CHD2: variants seen among roughly 807,000 people sequenced by gnomAD.
CHD2 encodes chromodomain helicase DNA binding protein 2.
Under a neutral mutation model 243.9 loss-of-function variants are expected in CHD2, and 28 were observed. The ratio of observed to expected loss-of-function variants is 0.11; its 90% CI spans 0.09 to 0.16. The LOEUF is 0.16. Ranked by LOEUF, CHD2 falls within the 10% of genes least tolerant of loss-of-function variation. The pLI is 1.00. For synonymous variants in CHD2, 775 were observed against 779.0 expected (o/e 0.99, Z 0.09); for missense variants, 1,386 against 2,209.8 (o/e 0.63, Z 7.47).
intron 5 of CHD2, among the ~76,000 whole-genome samples, chr15:92,933,736 G>A (rs962356021): frequency 8.5e-5 from 13 of 152,264 alleles, no homozygotes; most frequent in East Asian, 1.9e-4. Flanking sequence ...CTCCTGAGTA[G>A]TTGGGACTGC....
chr15:93,015,400 TC>T (rs1283852291), intron 37 of CHD2, among the ~76,000 whole-genome samples: 9 of 152,078 alleles, frequency 5.9e-5, no homozygotes, highest in Admixed American at 5.9e-4. Flanking sequence ...TATTTCAACT[TC>T]CGATTAAGAA....
intron 5 of CHD2, 29 bp downstream of exon 5, chr15:92,929,120 A>G: frequency 6.3e-7 from 1 of 1,581,054 alleles, no homozygotes; most frequent in South Asian, 1.1e-5. Context: ...AAATTATTCA[A>G]TCTAGTAGTT....
chr15:92,943,771 C>A (rs1450219256), intron 9 of CHD2: 2 of 152,508 alleles, frequency 1.3e-5, no homozygotes, highest in Non-Finnish European at 2.9e-5. Flanking sequence ...ATTTTTGTGT[C>A]TGGAATGTGC....
At chr15:92,974,041 G>C (rs1596422168) in intron 19 of CHD2, 1 of 152,174 alleles carries the variant, frequency 6.6e-6, no homozygotes, top group Non-Finnish European at 1.5e-5. Flanking sequence ...TCACCTTTCA[G>C]GTTAGTTTTG....
intron 20 of CHD2, 82 bp from the exon 21 acceptor site, chr15:92,978,152 T>G (rs781387444): frequency 2.6e-6 from 4 of 1,520,034 alleles, no homozygotes; most frequent in Non-Finnish European, 1.8e-6. Context: ...CTGCAGGGGT[T>G]TCCAGGTGTA....
intron 35 of CHD2, among the ~76,000 whole-genome samples, chr15:93,011,699 C>G (rs553845191): frequency 6.6e-6 from 1 of 152,266 alleles, no homozygotes; most frequent in East Asian, 1.9e-4. Flanking sequence ...AAACACCTGT[C>G]TCATCATATC....
At chr15:93,002,436 A>G in intron 33 of CHD2, 119 bp downstream of exon 33, 1 of 1,467,924 alleles carries the variant, frequency 6.8e-7, no homozygotes, top group Admixed American at 2.6e-5. Flanking sequence ...GGTATGTTCA[A>G]GAAGGATGGG....
intron 36 of CHD2, among the ~76,000 whole-genome samples, chr15:93,013,850 G>T (rs943334519): frequency 7.0e-6 from 1 of 143,194 alleles, no homozygotes; most frequent in African/African-American, 2.6e-5. Context: ...TGGGAGGATC[G>T]CATGAGACCA....
intron 5 of CHD2, among the ~76,000 whole-genome samples, chr15:92,930,222 C>T (rs2053140219): frequency 6.6e-6 from 1 of 152,176 alleles, no homozygotes; most frequent in African/African-American, 2.4e-5. Context: ...ACCTTGATTA[C>T]ACCCTGGGAA....
chr15:93,017,492 A>ATTTTT (rs760713016), intron 37 of CHD2, among the ~76,000 whole-genome samples: 41 of 96,826 alleles, frequency 4.2e-4, no homozygotes, highest in Admixed American at 1.9e-3. Context: ...TGCCGGGCTA[A>ATTTTT]TTTTTTTTTT....
At chr15:92,969,749 A>G (rs58367771) in intron 17 of CHD2, among the ~76,000 whole-genome samples, 8 of 152,092 alleles carry the variant, frequency 5.3e-5, no homozygotes, top group African/African-American at 1.9e-4. Context: ...AATTCATTCT[A>G]TACATACAAC....
chr15:92,906,748 G>T (rs2052630504), intron 2 of CHD2, among the ~76,000 whole-genome samples: 3 of 147,726 alleles, frequency 2.0e-5, no homozygotes, highest in Non-Finnish European at 1.5e-5. Flanking sequence ...GAAGAACTTG[G>T]CTTTCTTGAT....
At chr15:92,904,643 T>C in intron 2 of CHD2, 1 of 1,257,318 alleles carries the variant, frequency 8.0e-7, no homozygotes, top group Non-Finnish European at 1.0e-6. Flanking sequence ...TTTATCCTCT[T>C]TGAGAAGCGG....
intron 2 of CHD2, among the ~76,000 whole-genome samples, chr15:92,909,353 A>T (rs1333887000): frequency 6.6e-6 from 1 of 152,162 alleles, no homozygotes; most frequent in Non-Finnish European, 1.5e-5. Context: ...TGGGTTGTGA[A>T]TTGTGACCGA....
At chr15:92,905,051 G>T (rs1248102667) in intron 2 of CHD2, 1 of 1,485,872 alleles carries the variant, frequency 6.7e-7, no homozygotes. Flanking sequence ...TTCACAGTGG[G>T]ATAGTTTAGT....
chr15:92,908,077 C>G (rs2052655491), intron 2 of CHD2, among the ~76,000 whole-genome samples: 1 of 138,368 alleles, frequency 7.2e-6, no homozygotes, highest in African/African-American at 2.7e-5. Flanking sequence ...TGGACTACAA[C>G]AGCTTCTTGT....
At chr15:92,951,702 T>C (rs541231847) in intron 13 of CHD2, among the ~76,000 whole-genome samples, 1 of 152,268 alleles carries the variant, frequency 6.6e-6, no homozygotes, top group African/African-American at 2.4e-5. Flanking sequence ...TCCTGAATAG[T>C]ATTGAAAAGT....
In CHD2 at chr15:93,026,988, A is replaced by G. The variant is rs933033333; in HGVS notation, c.*2283A>G. The G allele has an allele frequency of 1.3e-5, 2 of 152,668 alleles. No individual in the cohort carries two copies. Among genetic ancestry groups the G allele is most frequent in the Admixed American group, 1.3e-4 (2 of 15,290 alleles). 9.5% of individuals were successfully genotyped at this position (152,668 alleles called of 1,614,324 possible). On this transcript the variant is annotated 3_prime_UTR_variant, in exon 39 of 39. Transcript: ENST00000394196. ...CAGAGATGTCTTATCGTGAGGAAAA[A>G]GAAACTTCCTTTTGTTCACATTTAG...
intron 36 of CHD2, 41 bp from the exon 37 acceptor site, chr15:93,014,655 C>A: frequency 6.4e-7 from 1 of 1,569,370 alleles, no homozygotes; most frequent in Non-Finnish European, 8.7e-7. Context: ...GGGAATTAAG[C>A]CTGGGATCTT....
Sources: allele counts gnomAD v4.1 joint callset (sites outside exome capture counted in the v4.1 genomes callset), GRCh38; gene constraint gnomAD v4.1.1; transcripts MANE v1.5; gene names NCBI Gene and HGNC (gene_info 2026-07-23, HGNC 2026-07-21).